Variants in TTC28 observed in about 807,000 individuals in gnomAD.
TTC28 encodes the protein tetratricopeptide repeat domain 28.
Under a neutral mutation model 198.0 loss-of-function variants are expected in TTC28, and 61 were observed. That is an observed-to-expected ratio of 0.31 (90% CI 0.25 to 0.38). The LOEUF is 0.38. TTC28 is among the 10% of genes least tolerant of loss of function. The probability of loss-of-function intolerance (pLI) is 1.00; values close to 1 mark genes in which losing one functional copy is unlikely to be tolerated. For synonymous variants in TTC28, 1,171 were observed against 1,297.8 expected (o/e 0.90, Z 2.10); for missense variants, 2,678 against 3,164.0 (o/e 0.85, Z 3.69).
chr22:28,508,659 A>G (rs1359327698), intron 2 of TTC28, among the ~76,000 whole-genome samples: 1 of 152,212 alleles, frequency 6.6e-6, no homozygotes, highest in Non-Finnish European at 1.5e-5. Context: ...AAAGGGTTCA[A>G]TTCAACAAGA....
chr22:28,337,388 A>G (rs548345992), intron 2 of TTC28, among the ~76,000 whole-genome samples: 49 of 151,720 alleles, frequency 3.2e-4, no homozygotes, highest in African/African-American at 1.1e-3. Flanking sequence ...CAAGTCCTGG[A>G]TATCCTTGTT....
Position 27,983,580 on chromosome 22 carries a change from A to G in TTC28, c.6087T>C (p.Ala2029=). Residue 2029 remains alanine, a synonymous_variant, in exon 23 of 23, where the codon GCT becomes GCC. Coordinates refer to ENST00000397906, the MANE Select transcript of TTC28 (RefSeq NM_001145418.2). The stretch of plus-strand genomic sequence containing the variant: ...TAGGCAGGGTGGATCTCTGCAGGTA[A>G]GCGTTCTTGGACCGGTCATGGTCCT... ...GRQDHDRSKN[A]YLQRSTLPRS... 1 of 1,550,876 alleles carries G rather than the reference A, an allele frequency of 6.4e-7. No individual in the cohort carries two copies. Among genetic ancestry groups the G allele is most frequent in the Non-Finnish European group, 8.7e-7 (1 of 1,146,704 alleles).
Position 28,296,272 on chromosome 22 carries a change from T to G in TTC28, c.859A>C (p.Lys287Gln). The change falls in exon 5 of 23, where the codon AAA (lysine) becomes CAA (glutamine). Residue 287 changes from lysine to glutamine, a missense_variant. Lys to Gln is a moderately conservative substitution (Grantham distance 53). Transcript: ENST00000397906. ...GTGAGAGCCTCCCGGTAATTTCCTT[T>G]GGAGAAGAATGCAGAGCCCAGATTC... is the stretch of plus-strand genomic sequence containing the variant. ...HGNLGSAFFS[K>Q]GNYREALTNH... The G allele has an allele frequency of 1.3e-6, 2 of 1,551,086 alleles. No individual in the cohort carries two copies. Among genetic ancestry groups the G allele is most frequent in the Non-Finnish European group, 1.7e-6 (2 of 1,146,692 alleles).
intron 1 of TTC28, among the ~76,000 whole-genome samples, chr22:28,648,677 G>C (rs566537892): frequency 6.6e-6 from 1 of 152,240 alleles, no homozygotes; most frequent in Non-Finnish European, 1.5e-5. Flanking sequence ...GGAAGGCCAA[G>C]GTGGGTGGAT....
chr22:28,232,578 T>C (rs1039617236), intron 5 of TTC28, among the ~76,000 whole-genome samples: 4 of 152,184 alleles, frequency 2.6e-5, no homozygotes, highest in Admixed American at 6.5e-5. Flanking sequence ...AAATGTCTGT[T>C]TGAAACCAAC....
intron 2 of TTC28, among the ~76,000 whole-genome samples, chr22:28,549,436 T>C (rs150476685): frequency 6.1e-4 from 93 of 152,362 alleles, no homozygotes; most frequent in Non-Finnish European, 7.8e-4. Flanking sequence ...AGGGCAACTA[T>C]CAGGTCCTTC....
At chr22:28,548,606 G>A (rs2049593060) in intron 2 of TTC28, among the ~76,000 whole-genome samples, 1 of 152,214 alleles carries the variant, frequency 6.6e-6, no homozygotes, top group South Asian at 2.1e-4. Context: ...TAGCCGAGAG[G>A]CAGTGTGCCA....
intron 2 of TTC28, among the ~76,000 whole-genome samples, chr22:28,456,757 G>T (rs936762741): frequency 3.9e-5 from 6 of 152,128 alleles, no homozygotes; most frequent in Admixed American, 3.9e-4. Context: ...TGTATTTTTA[G>T]TAGAGACGGG....
chr22:28,608,563 A>G (rs1318192193), intron 2 of TTC28, among the ~76,000 whole-genome samples: 2 of 152,202 alleles, frequency 1.3e-5, no homozygotes, highest in African/African-American at 2.4e-5. Flanking sequence ...GGAGCTTTTA[A>G]AACTCCAAAA....
chr22:27,995,547 C>T (rs915330993), intron 17 of TTC28, among the ~76,000 whole-genome samples: 4 of 152,142 alleles, frequency 2.6e-5, no homozygotes, highest in African/African-American at 9.7e-5. Flanking sequence ...ACCTGGGCTC[C>T]ACAGATGTTG....
At chr22:28,671,414 T>A (rs1173723126) in intron 1 of TTC28, among the ~76,000 whole-genome samples, 1 of 151,872 alleles carries the variant, frequency 6.6e-6, no homozygotes, top group East Asian at 2.0e-4. Flanking sequence ...GGCAGGTGGA[T>A]CACGAGGTCA....
intron 2 of TTC28, among the ~76,000 whole-genome samples, chr22:28,338,713 C>T (rs1015539996): frequency 2.6e-5 from 4 of 152,150 alleles, no homozygotes; most frequent in African/African-American, 9.7e-5. Flanking sequence ...GACTTCTCTG[C>T]ATTGGTTATT....
chr22:28,390,040 GT>G (rs2146060530), intron 2 of TTC28, among the ~76,000 whole-genome samples: 1 of 150,136 alleles, frequency 6.7e-6, no homozygotes, highest in Non-Finnish European at 1.5e-5. Context: ...CTGGTATGTT[GT>G]GTCTTTGTTC....
chr22:28,199,228 A>G (rs1925660999), intron 5 of TTC28, among the ~76,000 whole-genome samples: 1 of 151,766 alleles, frequency 6.6e-6, no homozygotes, highest in South Asian at 2.1e-4. Flanking sequence ...CTGACTGACT[A>G]AAATATTGAA....
intron 2 of TTC28, among the ~76,000 whole-genome samples, chr22:28,337,453 C>G (rs2045747888): frequency 6.6e-6 from 1 of 152,082 alleles, no homozygotes; most frequent in African/African-American, 2.4e-5. Context: ...TAAAATCTCC[C>G]ATTATTATTG....
chr22:28,554,152 T>C (rs2145973800), intron 2 of TTC28, among the ~76,000 whole-genome samples: 1 of 152,268 alleles, frequency 6.6e-6, no homozygotes, highest in Middle Eastern at 3.4e-3. Context: ...AGATGTGCTT[T>C]GTTAAACAGA....
At chr22:28,476,594 C>T (rs929407421) in intron 2 of TTC28, among the ~76,000 whole-genome samples, 5 of 152,076 alleles carry the variant, frequency 3.3e-5, no homozygotes, top group South Asian at 2.1e-4. Context: ...CCTAGTCATC[C>T]CCCACAAAAC....
At chr22:28,143,302 TC>T (rs1367384590) in intron 6 of TTC28, among the ~76,000 whole-genome samples, 1 of 152,142 alleles carries the variant, frequency 6.6e-6, no homozygotes, top group African/African-American at 2.4e-5. Flanking sequence ...ACAGAACCAT[TC>T]CCTGTGGTTT....
intron 6 of TTC28, among the ~76,000 whole-genome samples, chr22:28,131,347 T>C (rs1026482839): frequency 6.6e-6 from 1 of 152,192 alleles, no homozygotes; most frequent in African/African-American, 2.4e-5. Context: ...CCATCATAAA[T>C]TGAAAATATT....
Sources: gnomAD v4.1 joint callset for allele counts (sites outside exome capture counted in the v4.1 genomes callset) on GRCh38, gnomAD v4.1.1 for gene constraint, MANE v1.5 for transcripts, NCBI Gene and HGNC (gene_info 2026-07-23, HGNC 2026-07-21) for gene names.